Variants in CDC123 observed in about 807,000 individuals in gnomAD.
The protein encoded by CDC123 is translation initiation factor eIF2 assembly protein.
A neutral mutation model predicts 54.4 loss-of-function variants in CDC123; 37 were observed. That is an observed-to-expected ratio of 0.68 (90% CI 0.52 to 0.89). CDC123 has a LOEUF of 0.89. Ranked by LOEUF, CDC123 falls within the 40% of genes least tolerant of loss-of-function variation. The probability of loss-of-function intolerance (pLI) is 0.00; values close to 1 mark genes in which losing one functional copy is unlikely to be tolerated. For missense variants in CDC123, 361 were observed against 412.1 expected, an observed-to-expected ratio of 0.88 and a Z score of 1.07; for synonymous variants, 144 against 136.8, an observed-to-expected ratio of 1.05 and a Z score of -0.37.
chr10:12,217,289 T>G, intron 5 of CDC123, 72 bp from the exon 6 acceptor site: 2 of 1,447,888 alleles, frequency 1.4e-6, no homozygotes. Context: ...ATTATTGATT[T>G]TGTTATAGGC....
At position 12,230,904 on chromosome 10, in the gene CDC123, C is replaced by A. The variant is rs1488165353; in HGVS notation, c.441-44C>A. ...TGTTAAGTGTGTGCATAAACTGGCACCAGTAACAAAAAGATTCAGTTGCCT... is the reference window on the plus strand; with the variant it reads ...TGTTAAGTGTGTGCATAAACTGGCAACAGTAACAAAAAGATTCAGTTGCCT... On this transcript the variant is annotated intron_variant, in intron 6 of 12. Coordinates refer to ENST00000281141, the MANE Select transcript of CDC123 (RefSeq NM_006023.3). The A allele has an allele frequency of 3.8e-6, 6 of 1,574,964 alleles. No homozygotes were observed. The East Asian group carries it at 1.3e-4, about 35-fold the overall frequency.
chr10:12,221,364 T>G (rs990140444), intron 6 of CDC123, among the ~76,000 whole-genome samples: 1 of 152,196 alleles, frequency 6.6e-6, no homozygotes, highest in African/African-American at 2.4e-5. Flanking sequence ...GTTAAAAGAT[T>G]GCTGCTACAG....
chr10:12,197,630 G>A (rs892835434), intron 1 of CDC123, among the ~76,000 whole-genome samples: 49 of 149,968 alleles, frequency 3.3e-4, no homozygotes, highest in African/African-American at 1.2e-3. Flanking sequence ...GCCCGCCTCG[G>A]CCTCCCAAAG....
At chr10:12,223,113 C>G (rs999959856) in intron 6 of CDC123, among the ~76,000 whole-genome samples, 3 of 151,580 alleles carry the variant, frequency 2.0e-5, no homozygotes, top group Non-Finnish European at 2.9e-5. Context: ...CCAGGATGGT[C>G]TCAATCTCCT....
At chr10:12,239,867 G>T (rs140887894) in intron 10 of CDC123, among the ~76,000 whole-genome samples, 10,150 of 151,812 alleles carry the variant, frequency 0.067, 521 homozygotes, top group East Asian at 0.15. Context: ...AATTAGCCGG[G>T]TGTGTTGGCG....
At chr10:12,214,706 C>T (rs1286578114) in intron 4 of CDC123, among the ~76,000 whole-genome samples, 3 of 152,082 alleles carry the variant, frequency 2.0e-5, no homozygotes, top group Non-Finnish European at 4.4e-5. Context: ...TTTTTTCTCT[C>T]GCATAGCTGG....
intron 4 of CDC123, 23 bp downstream of exon 4, chr10:12,210,345 G>A (rs371297474): frequency 2.4e-5 from 39 of 1,613,898 alleles, no homozygotes; most frequent in African/African-American, 9.3e-5. Context: ...CAGACTCAGC[G>A]TGGGGACAGC....
chr10:12,217,323 T>C lies in CDC123; in HGVS notation c.334-38T>C, dbSNP rs760471854. ...GCCTGAGCATTCATAGCAGCCAACA[T>C]GGAATATGGACTAAATAGCATGTGC... On this transcript the variant is annotated intron_variant, in intron 5 of 12. Coordinates refer to ENST00000281141, the MANE Select transcript of CDC123 (RefSeq NM_006023.3). The C allele has an allele frequency of 2.5e-6, 4 of 1,583,910 alleles. No individual in the cohort carries two copies. The South Asian group carries it at 3.4e-5, about 14-fold the overall frequency.
chr10:12,243,259 GT>G (rs1390702980), intron 10 of CDC123, among the ~76,000 whole-genome samples: 1 of 151,802 alleles, frequency 6.6e-6, no homozygotes, highest in African/African-American at 2.4e-5. Context: ...TTAGCCAGGC[GT>G]GGTGGTGCAT....
intron 2 of CDC123, among the ~76,000 whole-genome samples, chr10:12,202,403 G>C (rs2131731051): frequency 6.6e-6 from 1 of 152,254 alleles, no homozygotes; most frequent in East Asian, 1.9e-4. Context: ...AATCAACACA[G>C]AAGACCTCTG....
intron 2 of CDC123, among the ~76,000 whole-genome samples, chr10:12,203,344 T>C (rs1835468990): frequency 6.6e-6 from 1 of 152,212 alleles, no homozygotes; most frequent in Admixed American, 6.5e-5. Flanking sequence ...TCAATAAATA[T>C]TGGTTGAATG....
chr10:12,246,817 C>T (rs1412061275), intron 11 of CDC123: 1 of 153,450 alleles, frequency 6.5e-6, no homozygotes, highest in Non-Finnish European at 1.5e-5. Flanking sequence ...CTTGTCCGTC[C>T]CTTCCTGAGT....
intron 11 of CDC123, 98 bp downstream of exon 11, chr10:12,246,375 C>A: frequency 2.2e-6 from 3 of 1,356,274 alleles, no homozygotes; most frequent in Non-Finnish European, 3.1e-6. Context: ...TGGCCAGGAC[C>A]CTTGGGAAGC....
At chr10:12,198,517 C>G (rs1390726171) in intron 1 of CDC123, among the ~76,000 whole-genome samples, 188 bp from the exon 2 acceptor site, 1 of 152,132 alleles carries the variant, frequency 6.6e-6, no homozygotes, top group African/African-American at 2.4e-5. Context: ...ACCATTGTGG[C>G]AATAAGATGA....
intron 6 of CDC123, among the ~76,000 whole-genome samples, chr10:12,230,281 C>T (rs1835882778): frequency 1.3e-5 from 2 of 152,002 alleles, no homozygotes; most frequent in Non-Finnish European, 1.5e-5. Context: ...CATCCTCCGC[C>T]TCACGGTTTT....
intron 2 of CDC123, among the ~76,000 whole-genome samples, chr10:12,206,474 A>G (rs1002050859): frequency 2.0e-5 from 3 of 152,364 alleles, no homozygotes; most frequent in African/African-American, 7.2e-5. Flanking sequence ...ACTGGTTCTT[A>G]GCTTTGTGAA....
Position 12,196,300 on chromosome 10 carries a change from C to T in CDC123, c.55C>T (p.Arg19Ter). The T allele has an allele frequency of 6.2e-7, 1 of 1,613,540 alleles. No individual in the cohort carries two copies. Among genetic ancestry groups the T allele is most frequent in the Non-Finnish European group, 8.5e-7 (1 of 1,179,738 alleles). ...CQFSAWYPFFRGVTIKSVILP... is the reference protein window; with the variant it reads ...CQFSAWYPFF ...GTTCTCCGCGTGGTACCCGTTCTTCCGAGGCGTTACCATCAAGAGGTGAGA... is the reference window on the plus strand; with the variant it reads ...GTTCTCCGCGTGGTACCCGTTCTTCTGAGGCGTTACCATCAAGAGGTGAGA... Residue 19 changes from arginine (R) to a stop codon, truncating the protein, a stop_gained, in exon 1 of 13, where the codon CGA becomes TGA. Coordinates refer to ENST00000281141, the MANE Select transcript of CDC123 (RefSeq NM_006023.3). LOFTEE classifies it high-confidence loss of function.
chr10:12,220,904 GA>G, intron 6 of CDC123, among the ~76,000 whole-genome samples: 1 of 152,086 alleles, frequency 6.6e-6, no homozygotes, highest in South Asian at 2.1e-4. Context: ...GTGAACCCGG[GA>G]GGCGGAGCTT....
At chr10:12,196,455 C>A in intron 1 of CDC123, 136 bp downstream of exon 1, 1 of 1,179,752 alleles carries the variant, frequency 8.5e-7, no homozygotes, top group Non-Finnish European at 1.2e-6. Flanking sequence ...GGAAGTACAT[C>A]AGCAATTGTC....
Sources: gnomAD v4.1 joint callset for allele counts (sites outside exome capture counted in the v4.1 genomes callset) on GRCh38, gnomAD v4.1.1 for gene constraint, MANE v1.5 for transcripts, NCBI Gene and HGNC (gene_info 2026-07-23, HGNC 2026-07-21) for gene names.